GPR158: variants seen among roughly 807,000 people sequenced by gnomAD.
The protein encoded by GPR158 is G protein-coupled receptor 158.
GPR158 carries 30 observed loss-of-function variants against 78.2 expected under a neutral mutation model. The observed-to-expected ratio is 0.38, with a 90% CI of 0.29 to 0.52. The LOEUF is 0.52. Ranked by LOEUF, GPR158 falls within the 20% of genes least tolerant of loss-of-function variation. The pLI is 0.83. For missense variants in GPR158, 1,463 were observed against 1,523.5 expected (o/e 0.96, Z 0.66); for synonymous variants, 581 against 591.1 (o/e 0.98, Z 0.25).
chr10:25,441,546 A>G (rs1225622367), intron 4 of GPR158, among the ~76,000 whole-genome samples: 1 of 152,158 alleles, frequency 6.6e-6, no homozygotes, highest in African/African-American at 2.4e-5. Context: ...TTATGCAATC[A>G]ATTTCAAAAT....
chr10:25,183,873 A>C (rs773634523), intron 1 of GPR158, among the ~76,000 whole-genome samples: 3 of 152,240 alleles, frequency 2.0e-5, no homozygotes, highest in Non-Finnish European at 4.4e-5. Context: ...GAATGGTATG[A>C]TAGTAAAGAA....
Position 25,311,203 on chromosome 10 carries a change from C to T in GPR158, c.1009-84708C>T, listed in dbSNP as rs116441844. Among the ~76,000 whole-genome samples the T allele has an allele frequency of 6.0e-3, 895 of 148,054 alleles. 9 individuals are homozygous for T. Among genetic ancestry groups the T allele is most frequent in the African/African-American group, 0.022 (822 of 38,210 alleles). ...CATTTTTCCATATGAACTTTCATAA[C>T]GCTATAAAAACTTTTTGATTTTTTT... On this transcript the variant is annotated intron_variant, in intron 2 of 10. Coordinates refer to ENST00000376351, the MANE Select transcript of GPR158 (RefSeq NM_020752.3).
intron 1 of GPR158, among the ~76,000 whole-genome samples, chr10:25,209,780 T>C (rs1464406560): frequency 1.3e-5 from 2 of 152,232 alleles, no homozygotes; most frequent in Non-Finnish European, 2.9e-5. Context: ...TCAAATAACC[T>C]AGATTGTCTG....
At chr10:25,212,424 A>T (rs1001054833) in intron 1 of GPR158, among the ~76,000 whole-genome samples, 1 of 152,132 alleles carries the variant, frequency 6.6e-6, no homozygotes, top group Non-Finnish European at 1.5e-5. Context: ...CAAGCCATTC[A>T]TGATCCGATC....
chr10:25,492,677 T>C (rs1357269543), intron 5 of GPR158, among the ~76,000 whole-genome samples: 1 of 151,958 alleles, frequency 6.6e-6, no homozygotes, highest in Non-Finnish European at 1.5e-5. Context: ...ACGTGGTCCA[T>C]GCACAAAAAA....
intron 2 of GPR158, among the ~76,000 whole-genome samples, chr10:25,306,551 A>G (rs1854678653): frequency 6.6e-6 from 1 of 152,206 alleles, no homozygotes; most frequent in South Asian, 2.1e-4. Context: ...CAATATATGT[A>G]TGCATGCATG....
At chr10:25,498,617 G>T (rs1206653371) in intron 5 of GPR158, among the ~76,000 whole-genome samples, 1 of 152,134 alleles carries the variant, frequency 6.6e-6, no homozygotes, top group East Asian at 1.9e-4. Flanking sequence ...AGCTAGTTTT[G>T]TGCCCAGCTG....
intron 2 of GPR158, among the ~76,000 whole-genome samples, chr10:25,330,867 TCCTA>T (rs144212006): frequency 0.027 from 4,122 of 152,296 alleles, 192 homozygotes; most frequent in African/African-American, 0.094. Context: ...CAATGTTTGT[TCCTA>T]TATATTGAAT....
At chr10:25,282,420 G>T (rs2130755103) in intron 2 of GPR158, among the ~76,000 whole-genome samples, 1 of 152,174 alleles carries the variant, frequency 6.6e-6, no homozygotes, top group Middle Eastern at 3.4e-3. Flanking sequence ...TAACAATTAT[G>T]CTTACAATTT....
At chr10:25,502,009 C>T (rs570220248) in intron 5 of GPR158, among the ~76,000 whole-genome samples, 1 of 152,252 alleles carries the variant, frequency 6.6e-6, no homozygotes, top group South Asian at 2.1e-4. Flanking sequence ...AGCTCTATAA[C>T]GCTTCTGCCT....
At chr10:25,508,841 G>A (rs1836047517) in intron 5 of GPR158, among the ~76,000 whole-genome samples, 1 of 152,164 alleles carries the variant, frequency 6.6e-6, no homozygotes. Context: ...TGGCTGCTTG[G>A]TTCTGTTTCT....
intron 4 of GPR158, among the ~76,000 whole-genome samples, chr10:25,452,411 C>A (rs1835232815): frequency 6.6e-6 from 1 of 151,896 alleles, no homozygotes; most frequent in Admixed American, 6.6e-5. Flanking sequence ...AAAAATGTAG[C>A]CAAAAAAGAA....
chr10:25,316,681 T>C (rs1854854882), intron 2 of GPR158, among the ~76,000 whole-genome samples: 1 of 152,214 alleles, frequency 6.6e-6, no homozygotes, highest in Non-Finnish European at 1.5e-5. Context: ...TGAAATATTT[T>C]GAACAAGTTG....
intron 1 of GPR158, among the ~76,000 whole-genome samples, chr10:25,211,249 G>A (rs986304175): frequency 6.6e-6 from 1 of 151,930 alleles, no homozygotes; most frequent in African/African-American, 2.4e-5. Context: ...AGTGTGTTTT[G>A]TGCCACTATA....
chr10:25,189,840 G>C (rs557951566), intron 1 of GPR158, among the ~76,000 whole-genome samples: 1 of 125,582 alleles, frequency 8.0e-6, no homozygotes, highest in Non-Finnish European at 1.7e-5. Context: ...AAGCATGTGT[G>C]TGTGTGTGTG....
chr10:25,578,410 G>A (rs1017045038), intron 7 of GPR158, among the ~76,000 whole-genome samples: 1 of 152,190 alleles, frequency 6.6e-6, no homozygotes, highest in Non-Finnish European at 1.5e-5. Flanking sequence ...ACAGGTTAAA[G>A]CTAAAGACTG....
intron 4 of GPR158, among the ~76,000 whole-genome samples, chr10:25,447,749 C>CT (rs1355436712): frequency 6.6e-6 from 1 of 152,170 alleles, no homozygotes; most frequent in African/African-American, 2.4e-5. Context: ...GATCTATTGA[C>CT]TTTTTATCTT....
intron 3 of GPR158, among the ~76,000 whole-genome samples, chr10:25,405,825 A>G (rs947238250): frequency 6.6e-6 from 1 of 152,122 alleles, no homozygotes; most frequent in African/African-American, 2.4e-5. Context: ...TACTTCTAGG[A>G]AGTAAATTGT....
intron 2 of GPR158, among the ~76,000 whole-genome samples, chr10:25,222,347 T>C: frequency 8.1e-6 from 1 of 123,406 alleles, no homozygotes; most frequent in African/African-American, 3.1e-5. Flanking sequence ...CCCGTAATGC[T>C]CCCATATCCC....
Sources: gnomAD v4.1 joint callset for allele counts (sites outside exome capture counted in the v4.1 genomes callset) on GRCh38, gnomAD v4.1.1 for gene constraint, MANE v1.5 for transcripts, NCBI Gene and HGNC (gene_info 2026-07-23, HGNC 2026-07-21) for gene names.